Variants in FAM168A observed in about 807,000 individuals in gnomAD.
The protein encoded by FAM168A is protein FAM168A.
In FAM168A, 3 loss-of-function variants were observed where a neutral mutation model predicts 28.5. The ratio of observed to expected loss-of-function variants is 0.11; its 90% CI spans 0.05 to 0.27. The LOEUF (loss-of-function observed/expected upper bound fraction) is 0.27, where lower values mean the gene tolerates loss of function less well. Ranked by LOEUF, FAM168A falls within the 10% of genes least tolerant of loss-of-function variation. The probability of loss-of-function intolerance (pLI) is 1.00; values close to 1 mark genes in which losing one functional copy is unlikely to be tolerated. For synonymous variants in FAM168A, 122 were observed against 124.2 expected, an observed-to-expected ratio of 0.98 and a Z score of 0.12; for missense variants, 222 against 311.5, an observed-to-expected ratio of 0.71 and a Z score of 2.16.
In FAM168A at chr11:73,466,001, T is replaced by C. The variant is rs148733400; in HGVS notation, c.70+2404A>G. The stretch of plus-strand genomic sequence containing the variant: ...AGAGAGAGAGAAAGAACACTGTCAA[T>C]TGGCTAGAAGACAGCTGCTTACTGG... On this transcript the variant is annotated intron_variant, in intron 2 of 7. Coordinates refer to ENST00000356467, the MANE Select transcript of FAM168A (RefSeq NM_015159.3). Among the ~76,000 whole-genome samples, 561 of 152,022 alleles carry C rather than the reference T, an allele frequency of 3.7e-3. 3 individuals carry two copies. Among genetic ancestry groups the C allele is most frequent in the South Asian group, 0.015 (71 of 4,804 alleles).
chr11:73,555,603 A>C (rs1295227594), intron 1 of FAM168A, among the ~76,000 whole-genome samples: 1 of 151,632 alleles, frequency 6.6e-6, no homozygotes, highest in East Asian at 1.9e-4. Flanking sequence ...AGCTACTTGG[A>C]TGGTTGAGGC....
intron 2 of FAM168A, among the ~76,000 whole-genome samples, chr11:73,432,036 T>C (rs1348700994): frequency 6.6e-6 from 1 of 152,330 alleles, no homozygotes; most frequent in African/African-American, 2.4e-5. Context: ...CATTTGTCCT[T>C]TTGTGTCTGG....
At chr11:73,588,104 G>C (rs1944337622) in intron 1 of FAM168A, among the ~76,000 whole-genome samples, 1 of 152,054 alleles carries the variant, frequency 6.6e-6, no homozygotes, top group African/African-American at 2.4e-5. Context: ...TCAAAGAAAA[G>C]CACTAAAGCA....
intron 1 of FAM168A, among the ~76,000 whole-genome samples, chr11:73,501,347 G>A (rs762527887): frequency 1.3e-5 from 2 of 152,142 alleles, no homozygotes; most frequent in Non-Finnish European, 2.9e-5. Flanking sequence ...AGTGGACCTG[G>A]TAGACGTCTA....
At chr11:73,495,693 G>A (rs1458563294) in intron 1 of FAM168A, among the ~76,000 whole-genome samples, 1 of 152,184 alleles carries the variant, frequency 6.6e-6, no homozygotes, top group Non-Finnish European at 1.5e-5. Context: ...TCAGTTATCA[G>A]AGAAACACAA....
chr11:73,558,778 T>C (rs1360378163), intron 1 of FAM168A, among the ~76,000 whole-genome samples: 2 of 152,166 alleles, frequency 1.3e-5, no homozygotes, highest in African/African-American at 4.8e-5. Context: ...CTATTTATTT[T>C]TTAAAAAAGA....
At chr11:73,470,131 C>T (rs555671734) in intron 1 of FAM168A, among the ~76,000 whole-genome samples, 3 of 152,160 alleles carry the variant, frequency 2.0e-5, no homozygotes, top group East Asian at 1.9e-4. Context: ...AGGATGGTCT[C>T]GAACTCCTGA....
intron 1 of FAM168A, among the ~76,000 whole-genome samples, chr11:73,474,702 T>C (rs891411238): frequency 1.3e-5 from 2 of 152,228 alleles, no homozygotes; most frequent in African/African-American, 4.8e-5. Context: ...GTAAGGTCCA[T>C]GAGAATGAGA....
chr11:73,563,198 G>C (rs569027049), intron 1 of FAM168A, among the ~76,000 whole-genome samples: 1 of 152,316 alleles, frequency 6.6e-6, no homozygotes, highest in African/African-American at 2.4e-5. Context: ...ACCTAAGGCA[G>C]ACATCTCAAA....
chr11:73,498,332 C>A (rs1002311551), intron 1 of FAM168A, among the ~76,000 whole-genome samples: 11 of 152,162 alleles, frequency 7.2e-5, no homozygotes, highest in African/African-American at 2.2e-4. Flanking sequence ...CCCCTTCCCC[C>A]CAGCCAAGGG....
intron 1 of FAM168A, among the ~76,000 whole-genome samples, chr11:73,571,291 G>A (rs1365049082): frequency 7.7e-6 from 1 of 130,392 alleles, no homozygotes; most frequent in Non-Finnish European, 1.6e-5. Flanking sequence ...TCCCTCTGAT[G>A]CCGAGCCGAA....
chr11:73,421,804 C>T (rs1425060792), intron 3 of FAM168A, among the ~76,000 whole-genome samples: 1 of 152,202 alleles, frequency 6.6e-6, no homozygotes, highest in Admixed American at 6.5e-5. Flanking sequence ...CTCAAGACCC[C>T]GCAGGAATGC....
At chr11:73,482,031 T>C (rs1590807136) in intron 1 of FAM168A, among the ~76,000 whole-genome samples, 1 of 152,124 alleles carries the variant, frequency 6.6e-6, no homozygotes. Flanking sequence ...GAAACAGAGA[T>C]GGAACTCTTA....
intron 1 of FAM168A, among the ~76,000 whole-genome samples, chr11:73,515,796 C>T (rs1045439475): frequency 6.6e-6 from 1 of 152,078 alleles, no homozygotes; most frequent in Non-Finnish European, 1.5e-5. Context: ...CATTTTGGCT[C>T]AGTCTTAAGG....
intron 1 of FAM168A, among the ~76,000 whole-genome samples, chr11:73,559,607 G>C (rs1405268465): frequency 2.6e-5 from 4 of 152,152 alleles, no homozygotes; most frequent in Non-Finnish European, 5.9e-5. Context: ...ATGAAAAGCA[G>C]ATTAGTTGCC....
intron 1 of FAM168A, among the ~76,000 whole-genome samples, chr11:73,498,611 G>A (rs1002687029): frequency 1.1e-4 from 16 of 152,206 alleles, no homozygotes; most frequent in Admixed American, 2.6e-4. Flanking sequence ...TGCCTGACAT[G>A]CTAAGCTCCC....
intron 1 of FAM168A, among the ~76,000 whole-genome samples, chr11:73,532,691 G>A (rs1018697812): frequency 6.6e-6 from 1 of 152,194 alleles, no homozygotes; most frequent in Non-Finnish European, 1.5e-5. Context: ...AAGAGGACTT[G>A]GTTGTTTACT....
intron 2 of FAM168A, among the ~76,000 whole-genome samples, chr11:73,453,925 G>T (rs549536252): frequency 2.4e-4 from 36 of 152,292 alleles, no homozygotes; most frequent in African/African-American, 8.7e-4. Context: ...AAATTAAATT[G>T]CATGAGCTTA....
chr11:73,559,931 A>C (rs536090697), intron 1 of FAM168A, among the ~76,000 whole-genome samples: 1 of 152,344 alleles, frequency 6.6e-6, no homozygotes, highest in South Asian at 2.1e-4. Flanking sequence ...GAAAAAAAAC[A>C]GCACTGAGGA....
Sources: gnomAD v4.1 joint callset for allele counts (sites outside exome capture counted in the v4.1 genomes callset) on GRCh38, gnomAD v4.1.1 for gene constraint, MANE v1.5 for transcripts, NCBI Gene and HGNC (gene_info 2026-07-23, HGNC 2026-07-21) for gene names.